The following NFX1 variants were observed in gnomAD, a reference collection of about 807,000 sequenced individuals.
NFX1 encodes nuclear transcription factor, X-box binding 1, also known as transcriptional repressor NF-X1.
NFX1 carries 69 observed loss-of-function variants against 137.2 expected under a neutral mutation model. That is an observed-to-expected ratio of 0.50 (90% confidence interval 0.41 to 0.61). The LOEUF (loss-of-function observed/expected upper bound fraction) is 0.61, where lower values mean the gene tolerates loss of function less well. Among genes scored for constraint, NFX1 ranks in the 20% least tolerant of loss-of-function variants. NFX1 has a pLI of 0.00. For synonymous variants in NFX1, 495 were observed against 474.1 expected (o/e 1.04, Z -0.57); for missense variants, 1,167 against 1,391.0 (o/e 0.84, Z 2.56).
intron 9 of NFX1, among the ~76,000 whole-genome samples, chr9:33,322,484 C>G (rs957420824): frequency 3.9e-5 from 6 of 152,168 alleles, no homozygotes; most frequent in African/African-American, 1.4e-4. Context: ...ACCCCTCCAA[C>G]TCCAAGTTGA....
chr9:33,307,678 C>G (rs918259254), intron 5 of NFX1, among the ~76,000 whole-genome samples: 1 of 152,142 alleles, frequency 6.6e-6, no homozygotes, highest in African/African-American at 2.4e-5. Flanking sequence ...CATTGATATC[C>G]AGGTCCAAGA....
chr9:33,369,441 G>A (rs1045352115), intron 23 of NFX1, among the ~76,000 whole-genome samples: 1 of 152,186 alleles, frequency 6.6e-6, no homozygotes, highest in Non-Finnish European at 1.5e-5. Flanking sequence ...TTTTAGAGTA[G>A]AGAGAATAGT....
intron 11 of NFX1, among the ~76,000 whole-genome samples, chr9:33,336,562 C>T (rs62542728): frequency 0.055 from 8,446 of 152,202 alleles, 262 homozygotes; most frequent in East Asian, 0.095. Flanking sequence ...TGATATATCA[C>T]TACCACATGA....
chr9:33,317,948 C>T (rs1822232552), intron 7 of NFX1, among the ~76,000 whole-genome samples: 1 of 124,502 alleles, frequency 8.0e-6, no homozygotes, highest in South Asian at 2.5e-4. Flanking sequence ...TGCACTCCAG[C>T]CTGGGCAAGA....
At chr9:33,329,652 T>C (rs1042201308) in intron 10 of NFX1, among the ~76,000 whole-genome samples, 9 of 151,910 alleles carry the variant, frequency 5.9e-5, no homozygotes, top group African/African-American at 2.2e-4. Context: ...TTCTTTTTTT[T>C]TTTTTAATTT....
chr9:33,332,469 T>C lies in NFX1; in HGVS notation c.2005-3T>C. ...GTTACCATTTCTTTTTCTTTTTCCA[T>C]AGGAGCTTCCATGTACCAGTCTCAA... is the stretch of plus-strand genomic sequence containing the variant. On this transcript the variant is annotated splice_region_variant and splice_polypyrimidine_tract_variant and intron_variant, in intron 10 of 23. Coordinates refer to ENST00000379540, the MANE Select transcript of NFX1 (RefSeq NM_002504.6). 6.3e-7 allele frequency: 1 copy of C among 1,591,230 alleles called. No homozygotes were observed. The highest frequency in any genetic ancestry group is 8.6e-7 in the Non-Finnish European group (1 of 1,165,980).
intron 23 of NFX1, 41 bp from the exon 24 acceptor site, chr9:33,369,865 C>G (rs1359130443): frequency 1.4e-6 from 2 of 1,469,788 alleles, no homozygotes; most frequent in Non-Finnish European, 1.9e-6. Flanking sequence ...TCTGTTTCCC[C>G]CAAAGAAGAA....
Position 33,338,538 on chromosome 9 carries a change from T to C in NFX1, c.2064T>C (p.Cys688=), listed in dbSNP as rs1413654982. Residue 688 remains cysteine, a synonymous_variant, in exon 12 of 24, where the codon TGT becomes TGC. Coordinates refer to ENST00000379540, the MANE Select transcript of NFX1 (RefSeq NM_002504.6). ...CTACATTTATGTGTGACAAGCGGTG[T>C]AACAAGAAACGGTTGTGTGGACGGC... is the stretch of plus-strand genomic sequence containing the variant. The part of the protein sequence containing the change: ...EDATFMCDKR[C]NKKRLCGRHK... 6.2e-7 allele frequency: 1 copy of C among 1,603,782 alleles called. No individual in the cohort carries two copies. Among genetic ancestry groups the C allele is most frequent in the Non-Finnish European group, 8.5e-7 (1 of 1,177,260 alleles).
intron 7 of NFX1, among the ~76,000 whole-genome samples, chr9:33,316,891 T>G (rs928474020): frequency 6.6e-6 from 1 of 152,212 alleles, no homozygotes; most frequent in Non-Finnish European, 1.5e-5. Flanking sequence ...TGTTACCTGT[T>G]CTGACCCTTG....
In NFX1 at chr9:33,355,214, G is replaced by A. The variant is rs576487282; in HGVS notation, c.2873+322G>A. Among the ~76,000 whole-genome samples, 33 of 152,266 alleles carry A rather than the reference G, an allele frequency of 2.2e-4. 2 individuals are homozygous for A. In the South Asian group the frequency reaches 6.2e-3, roughly 29 times the overall value. On this transcript the variant is annotated intron_variant, in intron 19 of 23. Coordinates refer to ENST00000379540, the MANE Select transcript of NFX1 (RefSeq NM_002504.6). The stretch of plus-strand genomic sequence containing the variant: ...TAAAACAATGTTTAGTTAACTTTTC[G>A]TTGAAGTTTAGCATACATATTGAAG...
At chr9:33,309,892 ATTGAGTC>A (rs1821902111) in intron 5 of NFX1, among the ~76,000 whole-genome samples, 1 of 152,214 alleles carries the variant, frequency 6.6e-6, no homozygotes, top group East Asian at 1.9e-4. Context: ...GATTGAGGAG[ATTGAGTC>A]CAGGCTTCTG....
At chr9:33,352,402 T>G (rs1175553020) in intron 16 of NFX1, 1 of 613,352 alleles carries the variant, frequency 1.6e-6, no homozygotes, top group Admixed American at 2.1e-5. Context: ...GGCCTGCCCC[T>G]TCAGCCAGGA....
At chr9:33,348,837 G>C (rs1823530684) in intron 15 of NFX1, 1 of 942,416 alleles carries the variant, frequency 1.1e-6, no homozygotes. Context: ...TCCTTGCTGT[G>C]GTTAAGATGA....
At chr9:33,311,461 C>A (rs1432134103) in intron 6 of NFX1, among the ~76,000 whole-genome samples, 3 of 152,108 alleles carry the variant, frequency 2.0e-5, no homozygotes, top group Non-Finnish European at 4.4e-5. Flanking sequence ...CTGCCCATGA[C>A]CCTATTTTGT....
chr9:33,313,755 G>A lies in NFX1; in HGVS notation c.1550G>A (p.Gly517Glu). The change falls in exon 7 of 24, where the codon GGG becomes GAG. Residue 517 changes from glycine to glutamate, a missense_variant. Around this residue, in one of 3 missense-constraint regions of NFX1, gnomAD observed 488 missense variants for 691.5 expected, o/e 0.71. Coordinates refer to ENST00000379540, the MANE Select transcript of NFX1 (RefSeq NM_002504.6). ...CACCAGTGTGCTGAGCTGTGCCATG[G>A]GGGTCAGTGCCAGCCTTGCCAGATC... The part of the protein sequence containing the change: ...GQHQCAELCH[G>E]GQCQPCQIIL... The A allele has an allele frequency of 6.2e-7, 1 of 1,614,110 alleles. No individual in the cohort carries two copies. Among genetic ancestry groups the A allele is most frequent in the Non-Finnish European group, 8.5e-7 (1 of 1,179,992 alleles).
At chr9:33,319,181 G>A (rs1316821301) in intron 9 of NFX1, 54 bp downstream of exon 9, 2 of 1,482,552 alleles carry the variant, frequency 1.3e-6, no homozygotes, top group Non-Finnish European at 1.9e-6. Flanking sequence ...ATGGTTGGCA[G>A]CAGTGAGTGT....
At position 33,328,235 on chromosome 9, in the gene NFX1, A is replaced by G. The variant is rs531857365; in HGVS notation, c.1907-346A>G. 4.0e-5 allele frequency among the ~76,000 whole-genome samples: 6 copies of G among 150,472 alleles called. No homozygotes were observed. The South Asian group carries it at 1.1e-3, about 26-fold the overall frequency. ...AGACACAGGGTTTCACCATGTTCCCAGGTGATCTCGAGCTCCTGGGGTCAA... is the reference window on the plus strand; with the variant it reads ...AGACACAGGGTTTCACCATGTTCCCGGGTGATCTCGAGCTCCTGGGGTCAA... On this transcript the variant is annotated intron_variant, in intron 9 of 23. Coordinates refer to ENST00000379540, the MANE Select transcript of NFX1 (RefSeq NM_002504.6).
chr9:33,321,738 G>T (rs1822391624), intron 9 of NFX1, among the ~76,000 whole-genome samples: 1 of 152,112 alleles, frequency 6.6e-6, no homozygotes, highest in South Asian at 2.1e-4. Context: ...ATTTACCTGG[G>T]TATGGCGGCA....
At chr9:33,317,432 A>AAAAG (rs932898504) in intron 7 of NFX1, among the ~76,000 whole-genome samples, 10 of 149,882 alleles carry the variant, frequency 6.7e-5, no homozygotes, top group African/African-American at 2.5e-4. Flanking sequence ...AAAAAAAAAA[A>AAAAG]AAAGAAAGAA....
Sources: gnomAD v4.1 joint callset for allele counts (sites outside exome capture counted in the v4.1 genomes callset) on GRCh38, gnomAD v4.1.1 for gene constraint, gnomAD v4.1.1 regional missense constraint, MANE v1.5 for transcripts, NCBI Gene and HGNC (gene_info 2026-07-23, HGNC 2026-07-21) for gene names.